The following GRIK2 variants were observed in gnomAD, a reference collection of about 807,000 sequenced individuals.
GRIK2 encodes the protein glutamate receptor ionotropic, kainate 2.
Under a neutral mutation model 100.3 loss-of-function variants are expected in GRIK2, and 32 were observed. The observed-to-expected ratio is 0.32, with a 90% CI of 0.24 to 0.43. GRIK2 has a LOEUF of 0.43. Ranked by LOEUF, GRIK2 falls within the 20% of genes least tolerant of loss-of-function variation. The pLI, the probability that GRIK2 is intolerant of heterozygous loss-of-function variation, is 1.00. For missense variants in GRIK2, 843 were observed against 1,114.9 expected (o/e 0.76, Z 3.47); for synonymous variants, 417 against 389.4 (o/e 1.07, Z -0.83).
intron 2 of GRIK2, among the ~76,000 whole-genome samples, chr6:101,520,655 G>T (rs143437917): frequency 2.0e-5 from 3 of 151,968 alleles, no homozygotes; most frequent in African/African-American, 4.8e-5. Context: ...ATTGTGCGGC[G>T]ACTTCTTTCT....
chr6:101,861,373 T>G (rs1784725039), intron 11 of GRIK2, among the ~76,000 whole-genome samples: 1 of 152,220 alleles, frequency 6.6e-6, no homozygotes, highest in African/African-American at 2.4e-5. Context: ...AGCACTATAA[T>G]TATTAAATTT....
chr6:101,560,875 A>G (rs1776977758), intron 2 of GRIK2, among the ~76,000 whole-genome samples: 1 of 152,202 alleles, frequency 6.6e-6, no homozygotes, highest in African/African-American at 2.4e-5. Flanking sequence ...TGTGCTAGCA[A>G]AAATCCTACC....
chr6:102,041,799 TAA>T lies in GRIK2; in HGVS notation c.2311+6243_2311+6244del, dbSNP rs36035681. Among the ~76,000 whole-genome samples the T allele has an allele frequency of 3.3e-3, 492 of 148,746 alleles. 2 individuals are homozygous for T. Among genetic ancestry groups the T allele is most frequent in the African/African-American group, 0.012 (476 of 40,906 alleles). On this transcript the variant is annotated intron_variant, in intron 15 of 16. Coordinates refer to ENST00000369134, the MANE Select transcript of GRIK2 (RefSeq NM_021956.5). ...CTTCTAATACGAGGTTTTAGAAAAT[TAA>T]AAAAAAAAAGTGTTTTGAAGAAATG...
At chr6:101,894,525 G>A (rs1188776009) in intron 12 of GRIK2, among the ~76,000 whole-genome samples, 1 of 151,392 alleles carries the variant, frequency 6.6e-6, no homozygotes, top group South Asian at 2.1e-4. Flanking sequence ...GTCCGGGATG[G>A]GTTCATGCTT....
At chr6:101,638,174 ATTTG>A (rs1023185711) in intron 4 of GRIK2, among the ~76,000 whole-genome samples, 8 of 150,164 alleles carry the variant, frequency 5.3e-5, no homozygotes, top group South Asian at 2.1e-4. Flanking sequence ...TCATTTACTG[ATTTG>A]TTTGTTTGTT....
intron 14 of GRIK2, among the ~76,000 whole-genome samples, chr6:102,008,449 A>G (rs1177038989): frequency 6.6e-6 from 1 of 152,154 alleles, no homozygotes; most frequent in Non-Finnish European, 1.5e-5. Context: ...GTAACAAAGT[A>G]TTTCAATGAT....
chr6:101,495,226 C>T (rs1442572709), intron 2 of GRIK2, among the ~76,000 whole-genome samples: 1 of 151,910 alleles, frequency 6.6e-6, no homozygotes, highest in South Asian at 2.1e-4. Context: ...CAGATAAAGG[C>T]CAGGCACAGT....
At chr6:101,829,204 C>T (rs998470756) in intron 10 of GRIK2, among the ~76,000 whole-genome samples, 1 of 151,826 alleles carries the variant, frequency 6.6e-6, no homozygotes, top group Non-Finnish European at 1.5e-5. Flanking sequence ...CAATAAAATA[C>T]AACATCATTT....
chr6:102,053,452 AC>A, intron 15 of GRIK2, among the ~76,000 whole-genome samples: 1 of 152,248 alleles, frequency 6.6e-6, no homozygotes, highest in East Asian at 1.9e-4. Context: ...TATTGCTCTT[AC>A]GTTATGTTAA....
At chr6:101,754,017 A>G (rs1776966752) in intron 7 of GRIK2, among the ~76,000 whole-genome samples, 1 of 152,068 alleles carries the variant, frequency 6.6e-6, no homozygotes, top group Non-Finnish European at 1.5e-5. Flanking sequence ...AAGTATAAAG[A>G]TAAATTACTT....
chr6:101,907,575 A>G (rs1788317020), intron 12 of GRIK2, among the ~76,000 whole-genome samples: 1 of 151,728 alleles, frequency 6.6e-6, no homozygotes, highest in South Asian at 2.1e-4. Flanking sequence ...ACAGAACTTT[A>G]CTTTCACAAC....
intron 11 of GRIK2, among the ~76,000 whole-genome samples, chr6:101,884,355 T>C (rs984645997): frequency 1.3e-5 from 2 of 152,164 alleles, no homozygotes; most frequent in African/African-American, 4.8e-5. Context: ...TTAGAACTGA[T>C]TTTCCAGCGT....
intron 4 of GRIK2, among the ~76,000 whole-genome samples, chr6:101,667,570 G>A (rs375168864): frequency 6.6e-6 from 1 of 152,076 alleles, no homozygotes; most frequent in Non-Finnish European, 1.5e-5. Context: ...TCATGGGATT[G>A]TAAAGGTCTG....
chr6:101,779,200 G>A (rs991693839), intron 7 of GRIK2, among the ~76,000 whole-genome samples: 3 of 151,944 alleles, frequency 2.0e-5, no homozygotes, highest in Non-Finnish European at 2.9e-5. Context: ...TCAGTCATGA[G>A]GTTAGTTGAT....
chr6:101,699,963 A>C (rs776935494), intron 7 of GRIK2, among the ~76,000 whole-genome samples: 23 of 151,996 alleles, frequency 1.5e-4, no homozygotes, highest in Non-Finnish European at 2.8e-4. Context: ...CATAGACAAC[A>C]TACTGAGACT....
intron 2 of GRIK2, among the ~76,000 whole-genome samples, chr6:101,540,177 T>C (rs1050841403): frequency 3.3e-5 from 5 of 151,920 alleles, no homozygotes; most frequent in African/African-American, 1.2e-4. Context: ...CTCCATCTTA[T>C]AGAATTTTGA....
At position 101,940,840 on chromosome 6, in the gene GRIK2, T is replaced by C. The variant is rs929354217; in HGVS notation, c.2085+12208T>C. 2.5e-4 allele frequency among the ~76,000 whole-genome samples: 38 copies of C among 152,158 alleles called. 1 individual carries two copies. Among genetic ancestry groups the C allele is most frequent in the Non-Finnish European group, 5.3e-4 (36 of 68,022 alleles). On this transcript the variant is annotated intron_variant, in intron 14 of 16. Transcript: ENST00000369134. ...AGCACATGTAATACATCTAGTGCACTGAGGAGTAAAATATGAAATTTCAAT... is the reference window on the plus strand; with the variant it reads ...AGCACATGTAATACATCTAGTGCACCGAGGAGTAAAATATGAAATTTCAAT...
At chr6:101,972,590 C>A (rs778872339) in intron 14 of GRIK2, among the ~76,000 whole-genome samples, 1 of 150,704 alleles carries the variant, frequency 6.6e-6, no homozygotes, top group South Asian at 2.1e-4. Context: ...TTTGGTCCTA[C>A]TTTTATTGCA....
chr6:101,592,586 C>CACATATATATAT (rs1778707663), intron 2 of GRIK2, among the ~76,000 whole-genome samples: 1 of 53,396 alleles, frequency 1.9e-5, no homozygotes, highest in Non-Finnish European at 3.4e-5. Context: ...TTACTAATAT[C>CACATATATATAT]ACATATATAT....
Sources: gnomAD v4.1 joint callset for allele counts (sites outside exome capture counted in the v4.1 genomes callset) on GRCh38, gnomAD v4.1.1 for gene constraint, MANE v1.5 for transcripts, NCBI Gene and HGNC (gene_info 2026-07-23, HGNC 2026-07-21) for gene names.